The following POU6F2 variants were observed in gnomAD, a reference collection of about 807,000 sequenced individuals.
POU6F2 encodes the protein POU domain, class 6, transcription factor 2.
Under a neutral mutation model 71.3 loss-of-function variants are expected in POU6F2, and 31 were observed. The observed-to-expected ratio is 0.43, with a 90% CI of 0.33 to 0.59. POU6F2 has a LOEUF of 0.59. Ranked by LOEUF, POU6F2 falls within the 20% of genes least tolerant of loss-of-function variation. The pLI is 0.04. For synonymous variants in POU6F2, 347 were observed against 355.7 expected, an observed-to-expected ratio of 0.98 and a Z score of 0.27; for missense variants, 783 against 856.8, an observed-to-expected ratio of 0.91 and a Z score of 1.07.
At chr7:39,208,551 G>A (rs1177796234) in intron 4 of POU6F2, among the ~76,000 whole-genome samples, 1 of 152,144 alleles carries the variant, frequency 6.6e-6, no homozygotes, top group Non-Finnish European at 1.5e-5. Flanking sequence ...CGGAGAATCA[G>A]TCCACAAGAC....
At chr7:39,012,257 G>A (rs964278383) in intron 1 of POU6F2, among the ~76,000 whole-genome samples, 7 of 151,894 alleles carry the variant, frequency 4.6e-5, no homozygotes, top group Non-Finnish European at 7.4e-5. Context: ...TTCTCTTCTC[G>A]CTTCATTTCA....
At chr7:39,057,891 G>A (rs1446988936) in intron 1 of POU6F2, among the ~76,000 whole-genome samples, 1 of 152,152 alleles carries the variant, frequency 6.6e-6, no homozygotes, top group African/African-American at 2.4e-5. Flanking sequence ...TTCACAGAGT[G>A]AGGCCTCACA....
chr7:39,376,896 C>T (rs1786720731), intron 5 of POU6F2, among the ~76,000 whole-genome samples: 1 of 148,856 alleles, frequency 6.7e-6, no homozygotes, highest in South Asian at 2.1e-4. Context: ...AATATTTATT[C>T]AGTATTTTTA....
At chr7:39,303,339 G>A (rs1262262763) in intron 4 of POU6F2, among the ~76,000 whole-genome samples, 3 of 151,980 alleles carry the variant, frequency 2.0e-5, no homozygotes, top group Non-Finnish European at 4.4e-5. Flanking sequence ...AGTAGAGACG[G>A]GGTTTCACCA....
intron 1 of POU6F2, among the ~76,000 whole-genome samples, chr7:39,002,374 G>T (rs1347727482): frequency 6.7e-6 from 1 of 149,948 alleles, no homozygotes; most frequent in Non-Finnish European, 1.5e-5. Context: ...TCGAGACAGG[G>T]TCTCACTCTG....
chr7:39,318,044 G>T (rs1785308103), intron 4 of POU6F2, among the ~76,000 whole-genome samples: 1 of 151,998 alleles, frequency 6.6e-6, no homozygotes, highest in Non-Finnish European at 1.5e-5. Flanking sequence ...ACTTACAAGG[G>T]TTTTTTTCTC....
chr7:39,093,232 G>T (rs1373198916), intron 2 of POU6F2, among the ~76,000 whole-genome samples: 1 of 151,932 alleles, frequency 6.6e-6, no homozygotes, highest in East Asian at 1.9e-4. Flanking sequence ...AAAACTATTT[G>T]AAAATATAAG....
At chr7:39,348,965 A>ATGCTAAT (rs1303585253) in intron 5 of POU6F2, among the ~76,000 whole-genome samples, 2 of 152,260 alleles carry the variant, frequency 1.3e-5, no homozygotes, top group African/African-American at 4.8e-5. Context: ...TTTATTTCAC[A>ATGCTAAT]TAATGCTAAT....
rs188978589 is a variant in POU6F2 at position 39,213,465 on chromosome 7, G to T, written c.598+5845G>T. On this transcript the variant is annotated intron_variant, in intron 4 of 9. Coordinates refer to ENST00000518318, the MANE Select transcript of POU6F2 (RefSeq NM_001370959.1). ...ATGGACCTTACTTGCTTAGTTAAAT[G>T]AGTTTTGATAATTGCATCCACCCAT... is the stretch of plus-strand genomic sequence containing the variant. Among the ~76,000 whole-genome samples, 4 of 152,282 alleles carry T rather than the reference G, an allele frequency of 2.6e-5. No individual in the cohort carries two copies. In the East Asian group the frequency reaches 7.7e-4, roughly 29 times the overall value.
At chr7:39,224,493 A>C (rs1794426407) in intron 4 of POU6F2, among the ~76,000 whole-genome samples, 1 of 152,164 alleles carries the variant, frequency 6.6e-6, no homozygotes, top group Admixed American at 6.5e-5. Context: ...AGTCTTTGGA[A>C]ATGAGGATGA....
chr7:39,325,679 C>A (rs983921578), intron 4 of POU6F2, among the ~76,000 whole-genome samples: 1 of 152,082 alleles, frequency 6.6e-6, no homozygotes, highest in Non-Finnish European at 1.5e-5. Flanking sequence ...TTAAATCAAC[C>A]ATGAAAATAA....
chr7:39,023,109 T>A (rs1341590812), intron 1 of POU6F2, among the ~76,000 whole-genome samples: 4 of 152,110 alleles, frequency 2.6e-5, no homozygotes, highest in African/African-American at 9.7e-5. Flanking sequence ...TTGACCACTT[T>A]TTCATATATT....
At chr7:39,110,148 G>A (rs1306761862) in intron 2 of POU6F2, among the ~76,000 whole-genome samples, 1 of 151,628 alleles carries the variant, frequency 6.6e-6, no homozygotes, top group Non-Finnish European at 1.5e-5. Flanking sequence ...GCGGGCGGCT[G>A]TAATCCCAGC....
intron 4 of POU6F2, among the ~76,000 whole-genome samples, chr7:39,242,410 T>A (rs2128751484): frequency 6.6e-6 from 1 of 151,766 alleles, no homozygotes; most frequent in South Asian, 2.1e-4. Context: ...TTGTCTTTAG[T>A]TTAGCCATCG....
At chr7:39,243,803 T>C (rs1783768018) in intron 4 of POU6F2, among the ~76,000 whole-genome samples, 1 of 152,042 alleles carries the variant, frequency 6.6e-6, no homozygotes, top group Non-Finnish European at 1.5e-5. Context: ...ATCCATCTGA[T>C]TTGTCTCTTG....
At chr7:38,983,169 A>G (rs17171506) in intron 1 of POU6F2, among the ~76,000 whole-genome samples, 3,154 of 152,232 alleles carry the variant, frequency 0.021, 50 homozygotes, top group African/African-American at 0.03. Context: ...ATCAGACTTG[A>G]AGAAACAATG....
intron 4 of POU6F2, among the ~76,000 whole-genome samples, chr7:39,260,349 A>G (rs1307022272): frequency 6.6e-6 from 1 of 150,516 alleles, no homozygotes; most frequent in African/African-American, 2.5e-5. Flanking sequence ...CTCTATACAC[A>G]TACAACACAC....
chr7:39,239,355 G>A (rs1783667653), intron 4 of POU6F2, among the ~76,000 whole-genome samples: 1 of 151,982 alleles, frequency 6.6e-6, no homozygotes, highest in Non-Finnish European at 1.5e-5. Flanking sequence ...GAAAAGCGAA[G>A]GTGTTTTCAT....
At chr7:39,002,079 A>G (rs375299067) in intron 1 of POU6F2, 2 of 152,234 alleles carry the variant, frequency 1.3e-5, no homozygotes, top group Non-Finnish European at 2.9e-5. Flanking sequence ...AGACCTAGAA[A>G]TAACAGACAG....
Sources: gnomAD v4.1 joint callset for allele counts (sites outside exome capture counted in the v4.1 genomes callset) on GRCh38, gnomAD v4.1.1 for gene constraint, MANE v1.5 for transcripts, NCBI Gene and HGNC (gene_info 2026-07-23, HGNC 2026-07-21) for gene names.